IKBKB-DT: variants seen among roughly 807,000 people sequenced by gnomAD.
IKBKB-DT encodes the protein IKBKB divergent transcript, also known as IKBKB antisense RNA.
At chr8:42,240,396 G>A (rs952234765) in intron 3 of IKBKB-DT, among the ~76,000 whole-genome samples, 7 of 151,526 alleles carry the variant, frequency 4.6e-5, no homozygotes, top group Admixed American at 2.6e-4. Flanking sequence ...AGGCCGAGGC[G>A]GGCAGATCAC....
chr8:42,269,634 G>A (rs1416321982), intron 1 of IKBKB-DT, among the ~76,000 whole-genome samples: 7 of 151,282 alleles, frequency 4.6e-5, no homozygotes, highest in Non-Finnish European at 1.0e-4. Flanking sequence ...AAGGAAAAGA[G>A]AGAGAGAGAG....
chr8:42,248,505 T>C (rs1295784335), intron 3 of IKBKB-DT, among the ~76,000 whole-genome samples: 1 of 152,218 alleles, frequency 6.6e-6, no homozygotes, highest in Non-Finnish European at 1.5e-5. Flanking sequence ...ATGTTACTGC[T>C]CTTTTTACAG....
chr8:42,253,168 A>G (rs926584675), intron 3 of IKBKB-DT, among the ~76,000 whole-genome samples: 7 of 152,188 alleles, frequency 4.6e-5, no homozygotes, highest in Admixed American at 3.9e-4. Flanking sequence ...GGTCTCCACA[A>G]TCTTTTATCT....
intron 3 of IKBKB-DT, among the ~76,000 whole-genome samples, chr8:42,249,575 A>C (rs1807105582): frequency 6.6e-6 from 1 of 151,998 alleles, no homozygotes; most frequent in South Asian, 2.1e-4. Context: ...GAACCTACAA[A>C]GCTCTACTAG....
chr8:42,242,977 C>T (rs879868374), intron 3 of IKBKB-DT, among the ~76,000 whole-genome samples: 5 of 152,218 alleles, frequency 3.3e-5, no homozygotes, highest in Non-Finnish European at 7.3e-5. Context: ...TATAAAGTGG[C>T]TTTTATTCCA....
At position 42,240,998 on chromosome 8, in the gene IKBKB-DT, G is replaced by C. The variant is rs898244850; in HGVS notation, n.1530-7139C>G. Among the ~76,000 whole-genome samples, 3 of 152,122 alleles carry C rather than the reference G, an allele frequency of 2.0e-5. No homozygotes were observed. The South Asian group carries it at 6.2e-4, about 32-fold the overall frequency. On this transcript the variant is annotated intron_variant and non_coding_transcript_variant, in intron 3 of 3. Transcript: ENST00000518213. ...TCAAAAAAAAAATGTGGTACATTTAGGACACCGACAAAATGAATTTTTTCT... is the reference window on the plus strand; with the variant it reads ...TCAAAAAAAAAATGTGGTACATTTACGACACCGACAAAATGAATTTTTTCT...
At chr8:42,244,100 T>C (rs1157133208) in intron 3 of IKBKB-DT, among the ~76,000 whole-genome samples, 1 of 152,236 alleles carries the variant, frequency 6.6e-6, no homozygotes, top group Non-Finnish European at 1.5e-5. Context: ...CCCTCAATTA[T>C]ATTTATGAAA....
chr8:42,264,331 T>A (rs1436336776), intron 2 of IKBKB-DT, among the ~76,000 whole-genome samples: 3 of 151,750 alleles, frequency 2.0e-5, no homozygotes, highest in African/African-American at 4.8e-5. Flanking sequence ...ATATTTTGAT[T>A]TTTTTGTAGA....
chr8:42,261,418 T>C (rs1295247598), intron 3 of IKBKB-DT, among the ~76,000 whole-genome samples: 1 of 152,120 alleles, frequency 6.6e-6, no homozygotes, highest in Admixed American at 6.5e-5. Context: ...ACACCAGTCA[T>C]GTCCCTCTCC....
At chr8:42,261,835 T>C (rs539653725) in intron 3 of IKBKB-DT, among the ~76,000 whole-genome samples, 14 of 152,350 alleles carry the variant, frequency 9.2e-5, no homozygotes, top group African/African-American at 3.1e-4. Flanking sequence ...CTTCTCTTTC[T>C]GTCTGGTTAT....
chr8:42,254,020 C>A (rs747932898), intron 3 of IKBKB-DT, among the ~76,000 whole-genome samples: 5 of 152,172 alleles, frequency 3.3e-5, no homozygotes, highest in Non-Finnish European at 5.9e-5. Flanking sequence ...TATAAGCATG[C>A]CAGGGCAAAT....
At chr8:42,268,329 G>A (rs1015847129) in intron 1 of IKBKB-DT, among the ~76,000 whole-genome samples, 6 of 151,542 alleles carry the variant, frequency 4.0e-5, no homozygotes, top group South Asian at 4.2e-4. Flanking sequence ...TAGAGATGGC[G>A]TTTCACCATA....
chr8:42,238,785 C>T (rs934779117), intron 3 of IKBKB-DT, among the ~76,000 whole-genome samples: 10 of 152,170 alleles, frequency 6.6e-5, no homozygotes, highest in Admixed American at 1.3e-4. Context: ...CAGAGACTTA[C>T]TTAGCACGAG....
At chr8:42,270,012 A>T (rs1359960235) in intron 1 of IKBKB-DT, among the ~76,000 whole-genome samples, 4 of 152,192 alleles carry the variant, frequency 2.6e-5, no homozygotes, top group Non-Finnish European at 1.5e-5. Flanking sequence ...ATAGGTTCTC[A>T]CAGTGTTTAA....
chr8:42,239,079 G>A (rs554003513), intron 3 of IKBKB-DT, among the ~76,000 whole-genome samples: 1 of 152,236 alleles, frequency 6.6e-6, no homozygotes, highest in East Asian at 1.9e-4. Context: ...TGGCTGTGAT[G>A]AGGTAGCTCC....
At chr8:42,237,941 C>CT (rs986541185) in intron 3 of IKBKB-DT, among the ~76,000 whole-genome samples, 1 of 143,992 alleles carries the variant, frequency 6.9e-6, no homozygotes, top group Non-Finnish European at 1.5e-5. Context: ...GGGAGGACCA[C>CT]TTGAGCCCAG....
At chr8:42,253,456 C>T (rs1807155189) in intron 3 of IKBKB-DT, among the ~76,000 whole-genome samples, 1 of 152,124 alleles carries the variant, frequency 6.6e-6, no homozygotes, top group South Asian at 2.1e-4. Context: ...TTTGCAGCTT[C>T]ATGAAAAGAG....
At chr8:42,239,355 C>T (rs1199749940) in intron 3 of IKBKB-DT, among the ~76,000 whole-genome samples, 2 of 151,712 alleles carry the variant, frequency 1.3e-5, no homozygotes, top group East Asian at 2.0e-4. Context: ...GCCCTCTGGG[C>T]CACTGCGTCT....
chr8:42,247,655 G>A (rs1159521570), intron 3 of IKBKB-DT, among the ~76,000 whole-genome samples: 1 of 144,492 alleles, frequency 6.9e-6, no homozygotes, highest in Non-Finnish European at 1.6e-5. Flanking sequence ...GGTGTTGAGG[G>A]AGAGACCTGG....
Sources: allele counts gnomAD v4.1 joint callset (sites outside exome capture counted in the v4.1 genomes callset), GRCh38; gene constraint gnomAD v4.1.1; transcripts MANE v1.5; gene names NCBI Gene and HGNC (gene_info 2026-07-23, HGNC 2026-07-21).